CYB5B: variants seen among roughly 807,000 people sequenced by gnomAD.
CYB5B encodes cytochrome b5 type B (outer mitochondrial membrane).
Under a neutral mutation model 21.3 loss-of-function variants are expected in CYB5B, and 14 were observed. That is an observed-to-expected ratio of 0.66 (90% CI 0.43 to 1.03). CYB5B has a LOEUF of 1.03. CYB5B is among the 50% of genes least tolerant of loss of function. CYB5B has a pLI of 0.00. For missense variants in CYB5B, 166 were observed against 185.1 expected, an observed-to-expected ratio of 0.90 and a Z score of 0.60; for synonymous variants, 69 against 68.4, an observed-to-expected ratio of 1.01 and a Z score of -0.04.
At chr16:69,448,030 C>A in intron 2 of CYB5B, 85 bp from the exon 3 acceptor site, 1 of 1,414,276 alleles carries the variant, frequency 7.1e-7, no homozygotes, top group Non-Finnish European at 9.9e-7. Context: ...AATATAGTCT[C>A]ATGTTCCAAA....
intron 1 of CYB5B, among the ~76,000 whole-genome samples, chr16:69,427,665 C>T (rs60103543): frequency 0.084 from 12,789 of 152,112 alleles, 590 homozygotes; most frequent in Non-Finnish European, 0.11. Context: ...AAGGTGTGCA[C>T]CACGACGCCT....
At chr16:69,426,295 A>T (rs561036236) in intron 1 of CYB5B, among the ~76,000 whole-genome samples, 1 of 151,538 alleles carries the variant, frequency 6.6e-6, no homozygotes, top group Admixed American at 6.6e-5. Flanking sequence ...GCTGCTCGTG[A>T]GGCTGAGGCA....
intron 3 of CYB5B, 67 bp from the exon 4 acceptor site, chr16:69,459,026 C>T: frequency 1.4e-6 from 2 of 1,414,434 alleles, no homozygotes; most frequent in East Asian, 2.3e-5. Context: ...AGAAAATGTA[C>T]ATGTGCTATG....
At chr16:69,462,046 A>G (rs928750408) in intron 4 of CYB5B, among the ~76,000 whole-genome samples, 1 of 152,224 alleles carries the variant, frequency 6.6e-6, no homozygotes, top group African/African-American at 2.4e-5. Flanking sequence ...TGTCACATAC[A>G]TAATGGTGTT....
intron 3 of CYB5B, chr16:69,449,051 G>A (rs958645926): frequency 3.3e-5 from 5 of 152,196 alleles, no homozygotes; most frequent in Non-Finnish European, 7.3e-5. Context: ...GCAATCCAGA[G>A]TGTTTGTGTA....
chr16:69,427,856 C>T (rs1030826629), intron 1 of CYB5B, among the ~76,000 whole-genome samples: 63 of 151,948 alleles, frequency 4.1e-4, no homozygotes, highest in African/African-American at 1.3e-3. Flanking sequence ...ATTAGCTGGG[C>T]GTGGTGGCAC....
rs377125101 is a variant in CYB5B at position 69,427,643 on chromosome 16, A to G, written c.174+2786A>G. 3.3e-5 allele frequency among the ~76,000 whole-genome samples: 5 copies of G among 151,996 alleles called. No homozygotes were observed. In the East Asian group the frequency reaches 7.7e-4, roughly 23 times the overall value. Reference sequence around the variant, plus strand: ...GTGATCCTTCTATTTCAACCTCCCGAATAGCTGGGAAAAGGTGTGCACCAC... The same window carrying G: ...GTGATCCTTCTATTTCAACCTCCCGGATAGCTGGGAAAAGGTGTGCACCAC... On this transcript the variant is annotated intron_variant, in intron 1 of 4. Transcript: ENST00000307892.
rs145721329 is a variant in CYB5B, at chr16:69,435,686, G to A, written c.174+10829G>A. On this transcript the variant is annotated intron_variant, in intron 1 of 4. Coordinates refer to ENST00000307892, the MANE Select transcript of CYB5B (RefSeq NM_030579.3). ...GGACTCTCACTGTGTCTCCCAGGCT[G>A]GAGTGCAGTGGCGCGGTCTCAGCTC... Among the ~76,000 whole-genome samples the A allele has an allele frequency of 6.4e-3, 970 of 152,194 alleles. 14 individuals are homozygous for A. Among genetic ancestry groups the A allele is most frequent in the African/African-American group, 0.022 (915 of 41,508 alleles).
chr16:69,461,213 A>G (rs78719507), intron 4 of CYB5B, among the ~76,000 whole-genome samples: 3,318 of 151,936 alleles, frequency 0.022, 66 homozygotes, highest in East Asian at 0.063. Context: ...AAAAAAAAAA[A>G]AAAGAAAGAA....
chr16:69,436,545 C>A (rs767226300), intron 1 of CYB5B, among the ~76,000 whole-genome samples: 2 of 152,176 alleles, frequency 1.3e-5, no homozygotes, highest in Non-Finnish European at 2.9e-5. Flanking sequence ...CTGTTCACCC[C>A]CCAGGTCTGT....
At chr16:69,432,827 C>T (rs9933024) in intron 1 of CYB5B, among the ~76,000 whole-genome samples, 26,188 of 151,710 alleles carry the variant, frequency 0.17, 2,368 homozygotes, top group Middle Eastern at 0.25. Context: ...GACAGAGTCT[C>T]GTTCTATCAC....
chr16:69,447,070 G>C, intron 1 of CYB5B, 80 bp from the exon 2 acceptor site: 1 of 1,505,584 alleles, frequency 6.6e-7, no homozygotes, highest in Non-Finnish European at 9.0e-7. Flanking sequence ...AGGGAGAAAG[G>C]AAGAAGGGGG....
At chr16:69,440,897 G>A (rs145289780) in intron 1 of CYB5B, among the ~76,000 whole-genome samples, 3,033 of 151,702 alleles carry the variant, frequency 0.02, 57 homozygotes, top group Admixed American at 0.059. Context: ...AGGCTCAAGC[G>A]ATCCTTCCAC....
intron 1 of CYB5B, among the ~76,000 whole-genome samples, chr16:69,430,608 TG>T (rs1199274429): frequency 6.6e-6 from 1 of 152,212 alleles, no homozygotes; most frequent in African/African-American, 2.4e-5. Flanking sequence ...TGGAAGCCAT[TG>T]ACTTGTGTAT....
At position 69,436,077 on chromosome 16, in the gene CYB5B, A is replaced by C. The variant is rs1242553063; in HGVS notation, c.175-11073A>C. Among the ~76,000 whole-genome samples, 4 of 152,230 alleles carry C rather than the reference A, an allele frequency of 2.6e-5. No homozygotes were observed. In the East Asian group the frequency reaches 7.7e-4, roughly 29 times the overall value. ...GTGAGGTGACCTGATCAAGGAATCT[A>C]CTTTCATTTATTTATTCATTTTGCC... On this transcript the variant is annotated intron_variant, in intron 1 of 4. Coordinates refer to ENST00000307892, the MANE Select transcript of CYB5B (RefSeq NM_030579.3).
intron 1 of CYB5B, among the ~76,000 whole-genome samples, chr16:69,433,831 C>T (rs1464884632): frequency 6.6e-6 from 1 of 152,184 alleles, no homozygotes; most frequent in Non-Finnish European, 1.5e-5. Flanking sequence ...TACCCCTTCA[C>T]AAACATCATA....
intron 1 of CYB5B, among the ~76,000 whole-genome samples, chr16:69,440,745 C>CGTGTGTGTGT (rs56008000): frequency 0.026 from 3,739 of 146,100 alleles, 110 homozygotes; most frequent in African/African-American, 0.065. Flanking sequence ...GTGTGTGTTG[C>CGTGTGTGTGT]GTGTGTGTGT....
At chr16:69,439,387 T>A (rs1445460075) in intron 1 of CYB5B, among the ~76,000 whole-genome samples, 3 of 151,990 alleles carry the variant, frequency 2.0e-5, no homozygotes, top group Non-Finnish European at 4.4e-5. Flanking sequence ...ATTTTGGTAT[T>A]TTTAGTAAAG....
chr16:69,451,631 A>AC (rs1647050241), intron 3 of CYB5B, among the ~76,000 whole-genome samples: 1 of 152,084 alleles, frequency 6.6e-6, no homozygotes, highest in African/African-American at 2.4e-5. Flanking sequence ...GTAAAAAAAA[A>AC]ATTTAAATAG....
Sources: gnomAD v4.1 joint callset for allele counts (sites outside exome capture counted in the v4.1 genomes callset) on GRCh38, gnomAD v4.1.1 for gene constraint, MANE v1.5 for transcripts, NCBI Gene and HGNC (gene_info 2026-07-23, HGNC 2026-07-21) for gene names.